RAPGEF2: variants seen among roughly 807,000 people sequenced by gnomAD.
RAPGEF2 encodes PDZ domain containing guanine nucleotide exchange factor (GEF) 1.
In RAPGEF2, 54 loss-of-function variants were observed where a neutral mutation model predicts 186.7. The ratio of observed to expected loss-of-function variants is 0.29; its 90% confidence interval spans 0.23 to 0.36. The LOEUF (loss-of-function observed/expected upper bound fraction) is 0.36. RAPGEF2 is among the 10% of genes least tolerant of loss of function. The pLI, the probability that RAPGEF2 is intolerant of heterozygous loss-of-function variation, is 1.00. For synonymous variants in RAPGEF2, 712 were observed against 705.9 expected, an observed-to-expected ratio of 1.01 and a Z score of -0.14; for missense variants, 1,532 against 2,045.0, an observed-to-expected ratio of 0.75 and a Z score of 4.84.
At chr4:159,150,011 C>T (rs77785903) in intron 1 of RAPGEF2, among the ~76,000 whole-genome samples, 1 of 64,430 alleles carries the variant, frequency 1.6e-5, no homozygotes. Flanking sequence ...TTAGAATGTT[C>T]TGTTTTTCTT....
chr4:159,216,923 T>C (rs972198529), intron 4 of RAPGEF2, among the ~76,000 whole-genome samples: 4 of 152,096 alleles, frequency 2.6e-5, no homozygotes, highest in African/African-American at 9.7e-5. Flanking sequence ...ATTTAACTAA[T>C]CAGTTTGGAG....
chr4:159,163,827 T>C (rs778407868), intron 1 of RAPGEF2, among the ~76,000 whole-genome samples: 28 of 152,180 alleles, frequency 1.8e-4, no homozygotes, highest in Non-Finnish European at 2.4e-4. Context: ...AAGGGATTAT[T>C]ACATCAGTAA....
At chr4:159,252,447 T>G (rs1183368763) in intron 7 of RAPGEF2, among the ~76,000 whole-genome samples, 2 of 152,222 alleles carry the variant, frequency 1.3e-5, no homozygotes, top group Non-Finnish European at 2.9e-5. Flanking sequence ...ATTTTGCCAT[T>G]TGTTAATTTA....
At chr4:159,143,193 G>T (rs1742537070) in intron 1 of RAPGEF2, among the ~76,000 whole-genome samples, 1 of 151,874 alleles carries the variant, frequency 6.6e-6, no homozygotes. Context: ...TCGCTCCTCT[G>T]CATAGCTACT....
chr4:159,224,639 C>G (rs578055336), intron 4 of RAPGEF2, among the ~76,000 whole-genome samples: 1 of 152,174 alleles, frequency 6.6e-6, no homozygotes, highest in Admixed American at 6.5e-5. Flanking sequence ...AGCATACCAG[C>G]AGGTGGTTAA....
chr4:159,323,701 TATAA>T, intron 11 of RAPGEF2, 84 bp downstream of exon 11: 1 of 826,002 alleles, frequency 1.2e-6, no homozygotes, highest in South Asian at 5.5e-5. Flanking sequence ...TTTCTCCCTA[TATAA>T]ATATCTTACA....
At chr4:159,111,692 AGAGTT>A (rs1473098082) in intron 1 of RAPGEF2, among the ~76,000 whole-genome samples, 2 of 152,228 alleles carry the variant, frequency 1.3e-5, no homozygotes, top group African/African-American at 2.4e-5. Context: ...AATTCATTCT[AGAGTT>A]AAGACTCATT....
chr4:159,108,383 CTT>C (rs35882271), intron 1 of RAPGEF2, among the ~76,000 whole-genome samples: 10 of 107,860 alleles, frequency 9.3e-5, no homozygotes, highest in Admixed American at 2.9e-4. Context: ...ACAGAACTTT[CTT>C]TTTTTTTTTT....
intron 7 of RAPGEF2, among the ~76,000 whole-genome samples, chr4:159,283,342 A>C (rs1489534718): frequency 6.6e-6 from 1 of 152,186 alleles, no homozygotes; most frequent in Non-Finnish European, 1.5e-5. Flanking sequence ...AATTTAAGTT[A>C]TATCTACTAC....
intron 3 of RAPGEF2, among the ~76,000 whole-genome samples, chr4:159,208,875 A>C (rs1350865066): frequency 6.6e-6 from 1 of 151,634 alleles, no homozygotes; most frequent in African/African-American, 2.4e-5. Context: ...TAGGAAAAAA[A>C]AAGAAATCTC....
intron 25 of RAPGEF2, among the ~76,000 whole-genome samples, chr4:159,348,914 C>A (rs1490326444): frequency 6.6e-6 from 1 of 152,226 alleles, no homozygotes; most frequent in Non-Finnish European, 1.5e-5. Context: ...TCCCCCCACT[C>A]CAGTCCATAA....
In RAPGEF2 at chr4:159,198,296, TTCTTTCTTTCTTTCTTTC is replaced by T. The variant is rs1748965798; in HGVS notation, c.197+5042_197+5059del. Among the ~76,000 whole-genome samples the T allele has an allele frequency of 4.8e-5, 2 of 41,910 alleles. 1 individual carries two copies. The highest frequency in any genetic ancestry group is 4.6e-4 in the Admixed American group (2 of 4,308). 27.5% of individuals were successfully genotyped at this position (41,910 alleles called of 152,430 possible). On this transcript the variant is annotated intron_variant, in intron 3 of 29. Transcript: ENST00000691494. ...CTTCTTTCTTTCTTTCTTTCTTTCT[TTCTTTCTTTCTTTCTTTC>T]TTTCTTTCTTTCTTTCTTTCTTTTT... is the stretch of plus-strand genomic sequence containing the variant.
chr4:159,236,740 G>A (rs1753307897), intron 4 of RAPGEF2, among the ~76,000 whole-genome samples: 1 of 152,066 alleles, frequency 6.6e-6, no homozygotes, highest in African/African-American at 2.4e-5. Flanking sequence ...ATTGCAAATA[G>A]GTAGATTCAG....
intron 4 of RAPGEF2, among the ~76,000 whole-genome samples, chr4:159,234,304 TTATTTC>T (rs1752978558): frequency 6.6e-6 from 1 of 152,182 alleles, no homozygotes; most frequent in African/African-American, 2.4e-5. Flanking sequence ...CTTAATTGTA[TTATTTC>T]TAAGTTTTTT....
intron 7 of RAPGEF2, among the ~76,000 whole-genome samples, chr4:159,284,969 C>G (rs1264024901): frequency 6.6e-6 from 1 of 152,126 alleles, no homozygotes; most frequent in African/African-American, 2.4e-5. Flanking sequence ...AGGAGGATCA[C>G]TTGAGCCCAG....
chr4:159,201,951 G>A (rs1749461073), intron 3 of RAPGEF2, among the ~76,000 whole-genome samples: 1 of 152,098 alleles, frequency 6.6e-6, no homozygotes, highest in South Asian at 2.1e-4. Context: ...TTCTCCAGAT[G>A]CCAACAGCTT....
intron 1 of RAPGEF2, among the ~76,000 whole-genome samples, chr4:159,178,358 A>T (rs1746658293): frequency 6.6e-6 from 1 of 152,098 alleles, no homozygotes; most frequent in Non-Finnish European, 1.5e-5. Context: ...CAAAGATCAT[A>T]TTACGACATA....
intron 1 of RAPGEF2, among the ~76,000 whole-genome samples, chr4:159,165,868 C>T (rs981301340): frequency 5.3e-5 from 8 of 152,152 alleles, no homozygotes; most frequent in Non-Finnish European, 7.3e-5. Flanking sequence ...GCTGCGATTA[C>T]AGGCATGAAC....
At chr4:159,254,872 A>G (rs2111527875) in intron 7 of RAPGEF2, among the ~76,000 whole-genome samples, 1 of 152,354 alleles carries the variant, frequency 6.6e-6, no homozygotes, top group Non-Finnish European at 1.5e-5. Context: ...AAGTGCTGGG[A>G]TCACAGGCGT....
Sources: allele counts gnomAD v4.1 joint callset (sites outside exome capture counted in the v4.1 genomes callset), GRCh38; gene constraint gnomAD v4.1.1; transcripts MANE v1.5; gene names NCBI Gene and HGNC (gene_info 2026-07-23, HGNC 2026-07-21).